The following PCDHGA6 variants were observed in gnomAD, a reference collection of about 807,000 sequenced individuals.
PCDHGA6 encodes the protein protocadherin gamma-A6.
Under a neutral mutation model 60.6 loss-of-function variants are expected in PCDHGA6, and 41 were observed. That is an observed-to-expected ratio of 0.68 (90% CI 0.53 to 0.88). The LOEUF is 0.88. PCDHGA6 is among the 40% of genes least tolerant of loss of function. PCDHGA6 has a pLI of 0.00. For synonymous variants in PCDHGA6, 594 were observed against 524.4 expected (o/e 1.13, Z -1.81); for missense variants, 1,312 against 1,203.0 (o/e 1.09, Z -1.34).
chr5:141,448,166 A>G (rs1475687778), intron 1 of PCDHGA6, among the ~76,000 whole-genome samples: 2 of 151,978 alleles, frequency 1.3e-5, no homozygotes, highest in Non-Finnish European at 2.9e-5. Context: ...AAAGATCACT[A>G]CTATTCATCC....
In PCDHGA6 at chr5:141,403,896, A is replaced by T. The variant is rs2094466164; in HGVS notation, c.2424+27389A>T. 6.2e-7 allele frequency: 1 copy of T among 1,613,866 alleles called. No individual in the cohort carries two copies. On this transcript the variant is annotated intron_variant, in intron 1 of 3. Transcript: ENST00000517434. The stretch of plus-strand genomic sequence containing the variant: ...CTAGATTATGAAGAATGTTCATTTT[A>T]TGAAATGGAAATACAAGCTGAAGAT...
At position 141,487,667 on chromosome 5, in the gene PCDHGA6, ATATGGCTAGGCCATG is replaced by A; in HGVS notation, c.2425-7138_2425-7124del. 1.9e-6 allele frequency: 3 copies of A among 1,612,782 alleles called. No individual in the cohort carries two copies. In the South Asian group the frequency reaches 3.3e-5, roughly 18 times the overall value. ...GCTTGAGGGTTATTCTGATCCAGGC[ATATGGCTAGGCCATG>A]TCCTAGAGAGTACTGGCCTCTCAGT... On this transcript the variant is annotated intron_variant, in intron 1 of 3. Transcript: ENST00000517434. The surrounding 1 kb of genome is among the most constrained non-coding windows in gnomAD (Gnocchi z 5.0).
At position 141,403,020 on chromosome 5, in the gene PCDHGA6, T is replaced by A. The variant is rs761279674; in HGVS notation, c.2424+26513T>A. ...CTGCTATGCTCGCTCCTGGGGATGCTATGGGAGGCCAGGGCCAGTCAGATT... is the reference window on the plus strand; with the variant it reads ...CTGCTATGCTCGCTCCTGGGGATGCAATGGGAGGCCAGGGCCAGTCAGATT... On this transcript the variant is annotated intron_variant, in intron 1 of 3. Transcript: ENST00000517434. The A allele has an allele frequency of 8.1e-6, 13 of 1,614,034 alleles. 1 individual carries two copies. The South Asian group carries it at 1.4e-4, about 18-fold the overall frequency.
At chr5:141,422,747 C>T (rs1381295469) in intron 1 of PCDHGA6, 2 of 1,611,224 alleles carry the variant, frequency 1.2e-6, no homozygotes, top group Non-Finnish European at 1.7e-6. Context: ...TCCTATGTCT[C>T]TATTAACTCC....
Position 141,489,699 on chromosome 5 carries a change from A to G in PCDHGA6, c.2425-5108A>G. ...CAGCAGCATCTGGGGCACGATTCCC[A>G]CTGGACAGTGCCCAGGATCCGGATG... is the stretch of plus-strand genomic sequence containing the variant. On this transcript the variant is annotated intron_variant, in intron 1 of 3. Transcript: ENST00000517434. The surrounding 1 kb of genome is among the most constrained non-coding windows in gnomAD (Gnocchi z 4.5). The G allele has an allele frequency of 6.2e-7, 1 of 1,614,102 alleles. No homozygotes were observed. The highest frequency in any genetic ancestry group is 8.5e-7 in the Non-Finnish European group (1 of 1,179,956).
chr5:141,491,795 C>G lies in PCDHGA6; in HGVS notation c.2425-3012C>G. The G allele has an allele frequency of 6.6e-7, 1 of 1,511,694 alleles. No individual in the cohort carries two copies. The highest frequency in any genetic ancestry group is 8.8e-7 in the Non-Finnish European group (1 of 1,130,430). The allele number at this position is 1,511,694 out of a possible 1,614,324, so 93.6% of individuals were successfully genotyped here. On this transcript the variant is annotated intron_variant, in intron 1 of 3. Transcript: ENST00000517434. The surrounding 1 kb of genome is among the most constrained non-coding windows in gnomAD (Gnocchi z 6.9). ...GGATTGAACTTGCATCCACTCCTCT[C>G]CGGCCGGCTTGGTCGCTGGCTGCGC...
rs1330469043 is a variant in PCDHGA6 at position 141,491,537 on chromosome 5, C to A, written c.2425-3270C>A. On this transcript the variant is annotated intron_variant, in intron 1 of 3. Transcript: ENST00000517434. This position sits in a 1 kb window ranked among gnomAD's most constrained non-coding sequence, Gnocchi z 6.9. ...AAGTACATGGAGGTGACGCTGCGGCCCACAGACTCGCAGAGCCACTGCTAC... is the reference window on the plus strand; with the variant it reads ...AAGTACATGGAGGTGACGCTGCGGCACACAGACTCGCAGAGCCACTGCTAC... The A allele has an allele frequency of 6.2e-7, 1 of 1,613,908 alleles. No homozygotes were observed. Among genetic ancestry groups the A allele is most frequent in the African/African-American group, 1.3e-5 (1 of 74,920 alleles).
intron 1 of PCDHGA6, chr5:141,424,767 A>T (rs139479155): frequency 2.9e-4 from 44 of 152,290 alleles, no homozygotes; most frequent in African/African-American, 1.0e-3. Flanking sequence ...TTCTTATGGC[A>T]AATAGTACAT....
At chr5:141,393,349 C>G in intron 1 of PCDHGA6, 1 of 1,613,964 alleles carries the variant, frequency 6.2e-7, no homozygotes, top group Non-Finnish European at 8.5e-7. Context: ...CACCACTTCT[C>G]CCTGGACGTG....
In PCDHGA6 at chr5:141,375,737, G is replaced by C. The variant is rs373966789; in HGVS notation, c.1654G>C (p.Val552Leu). 19 of 1,614,262 alleles carry C rather than the reference G, an allele frequency of 1.2e-5. No homozygotes were observed. In the African/African-American group the frequency reaches 2.0e-4, roughly 17 times the overall value. Reference protein sequence around the residue: ...LSSNVSLSLFVLDQNDNAPEI... With the variant: ...LSSNVSLSLFLLDQNDNAPEI... Reference sequence around the variant, plus strand: ...CAGCAACGTGTCACTGAGCCTGTTTGTGCTGGACCAGAATGACAATGCGCC... The same window carrying C: ...CAGCAACGTGTCACTGAGCCTGTTTCTGCTGGACCAGAATGACAATGCGCC... The change falls in exon 1 of 4, where the codon GTG becomes CTG. Residue 552 changes from valine to leucine, a missense_variant. Coordinates refer to ENST00000517434, the MANE Select transcript of PCDHGA6 (RefSeq NM_018919.3).
rs2091498902 is a variant in PCDHGA6 at position 141,388,801 on chromosome 5, A to G, written c.2424+12294A>G. The G allele has an allele frequency of 1.9e-6, 3 of 1,613,940 alleles. No homozygotes were observed. The East Asian group carries it at 6.7e-5, about 36-fold the overall frequency. On this transcript the variant is annotated intron_variant, in intron 1 of 3. Coordinates refer to ENST00000517434, the MANE Select transcript of PCDHGA6 (RefSeq NM_018919.3). Reference sequence around the variant, plus strand: ...GAAATTACTGTTTTAAATACATTAGATTTTGAAGAAGTCAAAGAATATTCC... The same window carrying G: ...GAAATTACTGTTTTAAATACATTAGGTTTTGAAGAAGTCAAAGAATATTCC...
intron 1 of PCDHGA6, chr5:141,413,902 G>A: frequency 1.9e-6 from 3 of 1,613,252 alleles, no homozygotes; most frequent in East Asian, 2.2e-5. Flanking sequence ...AAATGACAAC[G>A]CGCCGGTCTT....
At chr5:141,494,902 C>A (rs2099757367) in intron 2 of PCDHGA6, 37 bp downstream of exon 2, 1 of 1,614,024 alleles carries the variant, frequency 6.2e-7, no homozygotes, top group East Asian at 2.2e-5. Context: ...CTCTTCTCTG[C>A]GGCATTTTCT....
chr5:141,383,612 A>C (rs1387363746), intron 1 of PCDHGA6: 1 of 1,613,690 alleles, frequency 6.2e-7, no homozygotes, highest in East Asian at 2.2e-5. Flanking sequence ...GTGAATGACC[A>C]CACGCCTGTC....
chr5:141,393,508 T>A (rs540869636), intron 1 of PCDHGA6: 2 of 1,614,010 alleles, frequency 1.2e-6, no homozygotes, highest in East Asian at 4.5e-5. Flanking sequence ...CACGTGACAG[T>A]GTTGGATACA....
At chr5:141,399,645 A>C (rs762123604) in intron 1 of PCDHGA6, 8 of 1,613,676 alleles carry the variant, frequency 5.0e-6, no homozygotes, top group Admixed American at 1.7e-5. Flanking sequence ...TGAGCGCGCA[A>C]AGTGGGGTGG....
intron 1 of PCDHGA6, among the ~76,000 whole-genome samples, chr5:141,454,062 A>T (rs548960162): frequency 6.6e-6 from 1 of 152,380 alleles, no homozygotes; most frequent in East Asian, 1.9e-4. Context: ...CAAAGAAACA[A>T]AAGTGATAAT....
Position 141,395,542 on chromosome 5 carries a change from TTGTGTGTGTGTG to T in PCDHGA6, c.2424+19073_2424+19084del, listed in dbSNP as rs55729045. ...TCCATACTGGTAATTTTGCTATTGT[TTGTGTGTGTGTG>T]TGTGTGTGTGTGTGTGTGTGTGTGT... is the stretch of plus-strand genomic sequence containing the variant. On this transcript the variant is annotated intron_variant, in intron 1 of 3. Coordinates refer to ENST00000517434, the MANE Select transcript of PCDHGA6 (RefSeq NM_018919.3). 188 of 172,586 alleles carry T rather than the reference TTGTGTGTGTGTG, an allele frequency of 1.1e-3. 1 individual carries two copies. Among genetic ancestry groups the T allele is most frequent in the African/African-American group, 5.0e-3 (88 of 17,544 alleles). 10.7% of individuals were successfully genotyped at this position (172,586 alleles called of 1,614,324 possible).
intron 1 of PCDHGA6, chr5:141,403,391 G>C (rs1182066905): frequency 6.2e-7 from 1 of 1,614,046 alleles, no homozygotes; most frequent in East Asian, 2.2e-5. Flanking sequence ...CGAAATCGCG[G>C]TTCCTGGAGC....
Sources: gnomAD v4.1 joint callset for allele counts (sites outside exome capture counted in the v4.1 genomes callset) on GRCh38, gnomAD v4.1.1 for gene constraint, Gnocchi (gnomAD v3.1) non-coding constraint, MANE v1.5 for transcripts, NCBI Gene and HGNC (gene_info 2026-07-23, HGNC 2026-07-21) for gene names.